RPS6KL1: variants seen among roughly 807,000 people sequenced by gnomAD.
RPS6KL1 encodes ribosomal protein S6 kinase like 1.
RPS6KL1 carries 41 observed loss-of-function variants against 57.0 expected under a neutral mutation model. The observed-to-expected ratio is 0.72, with a 90% confidence interval of 0.56 to 0.93. The LOEUF (loss-of-function observed/expected upper bound fraction) is 0.93, where lower values mean the gene tolerates loss of function less well. RPS6KL1 is among the 40% of genes least tolerant of loss of function. The pLI, the probability that RPS6KL1 is intolerant of heterozygous loss-of-function variation, is 0.00. For missense variants in RPS6KL1, 697 were observed against 727.7 expected (o/e 0.96, Z 0.49); for synonymous variants, 287 against 309.7 (o/e 0.93, Z 0.77).
chr14:74,909,601 G>A lies in RPS6KL1; in HGVS notation c.1212C>T (p.His404=), dbSNP rs138644443. The change falls in exon 8 of 12, where the codon CAC becomes CAT. Residue 404 remains histidine, a synonymous_variant. Coordinates refer to ENST00000557413, the MANE Select transcript of RPS6KL1 (RefSeq NM_031464.5). ...AEMLVALEAL[H]EQGVLCRDLH... ...GGTCCCGGCACAGCACCCCCTGCTC[G>A]TGCAGCGCCTCCAGCGCTACCAGCA... The A allele has an allele frequency of 1.6e-5, 26 of 1,612,362 alleles. No homozygotes were observed. Among genetic ancestry groups the A allele is most frequent in the Admixed American group, 6.7e-5 (4 of 59,990 alleles).
In RPS6KL1 at chr14:74,906,822, T is replaced by C; in HGVS notation, c.*192A>G. On this transcript the variant is annotated 3_prime_UTR_variant, in exon 12 of 12. Transcript: ENST00000557413. ...GCCTTGACTGCCCCCACCTCCAGCT[T>C]TTCCAGGAGCTGGCCCTTCCTGGGT... 1.4e-6 allele frequency: 1 copy of C among 726,120 alleles called. No individual in the cohort carries two copies. Among genetic ancestry groups the C allele is most frequent in the Non-Finnish European group, 2.5e-6 (1 of 395,134 alleles). The allele number at this position is 726,120 out of a possible 1,614,324, so 45.0% of individuals were successfully genotyped here. A position where few individuals can be genotyped will look rare whatever the true frequency, so the allele number is the denominator to read the frequency against.
intron 5 of RPS6KL1, among the ~76,000 whole-genome samples, chr14:74,917,174 G>C (rs1886993850): frequency 6.6e-6 from 1 of 152,244 alleles, no homozygotes; most frequent in Non-Finnish European, 1.5e-5. Context: ...CCTGTCACTT[G>C]TATTTAGAGC....
intron 11 of RPS6KL1, 78 bp from the exon 12 acceptor site, chr14:74,907,202 T>C: frequency 7.2e-7 from 1 of 1,388,768 alleles, no homozygotes; most frequent in Non-Finnish European, 9.9e-7. Context: ...CCAACCACTA[T>C]GGCCTCTAGG....
chr14:74,922,260 G>C lies in RPS6KL1; in HGVS notation c.-303C>G. 2 of 985,944 alleles carry C rather than the reference G, an allele frequency of 2.0e-6. No homozygotes were observed. The highest frequency in any genetic ancestry group is 2.4e-6 in the Non-Finnish European group (2 of 830,292). The allele number at this position is 985,944 out of a possible 1,614,324, so 61.1% of individuals were successfully genotyped here. ...AGCACATGGAGGCCACACACGCTGG[G>C]CTCAAATGCTGTTCCTCATGCTGTT... On this transcript the variant is annotated 5_prime_UTR_variant, in exon 2 of 12. Transcript: ENST00000557413.
At chr14:74,923,042 G>A (rs979864280) in intron 1 of RPS6KL1, 138 bp downstream of exon 1, 1 of 152,336 alleles carries the variant, frequency 6.6e-6, no homozygotes, top group African/African-American at 2.4e-5. Context: ...CAGAGCCGCC[G>A]GCCCCGCCTG....
chr14:74,906,947 G>A lies in RPS6KL1; in HGVS notation c.*67C>T. On this transcript the variant is annotated 3_prime_UTR_variant, in exon 12 of 12. Transcript: ENST00000557413. The stretch of plus-strand genomic sequence containing the variant: ...GCTGATAGAGGGCCAGCCCTGGGTT[G>A]GGTGTCAGGCAAGGAGGAGAGGCGA... The A allele has an allele frequency of 1.7e-6, 2 of 1,206,054 alleles. No homozygotes were observed. The highest frequency in any genetic ancestry group is 2.5e-6 in the Non-Finnish European group (2 of 815,858). The allele number at this position is 1,206,054 out of a possible 1,614,324, so 74.7% of individuals were successfully genotyped here. A position where few individuals can be genotyped will look rare whatever the true frequency, so the allele number is the denominator to read the frequency against.
rs1171068864 is a variant in RPS6KL1, at chr14:74,907,245, C to T, written c.1540-121G>A. ...CTCCCTGGCAGCCTGGCCCACAGAA[C>T]CCCCATTTTACCCTGGGAACATTGG... On this transcript the variant is annotated intron_variant, in intron 11 of 11. Transcript: ENST00000557413. 12 of 1,372,610 alleles carry T rather than the reference C, an allele frequency of 8.7e-6. No individual in the cohort carries two copies. The East Asian group carries it at 2.8e-4, about 32-fold the overall frequency. 85.0% of individuals were successfully genotyped at this position (1,372,610 alleles called of 1,614,324 possible). A position where few individuals can be genotyped will look rare whatever the true frequency, so the allele number is the denominator to read the frequency against.
intron 3 of RPS6KL1, 90 bp from the exon 4 acceptor site, chr14:74,920,059 G>A (rs530181031): frequency 2.6e-6 from 4 of 1,514,458 alleles, no homozygotes; most frequent in African/African-American, 2.7e-5. Flanking sequence ...ACCCTCCCAA[G>A]GAGTGAGCTC....
Position 74,904,780 on chromosome 14 carries a change from C to G in RPS6KL1, c.*2234G>C, listed in dbSNP as rs913130522. 6.6e-6 allele frequency: 1 copy of G among 152,182 alleles called. No homozygotes were observed. The highest frequency in any genetic ancestry group is 2.1e-4 in the South Asian group (1 of 4,834). The allele number at this position is 152,182 out of a possible 1,614,324, so 9.4% of individuals were successfully genotyped here. A position where few individuals can be genotyped will look rare whatever the true frequency, so the allele number is the denominator to read the frequency against. ...GATGCTCAAGGTCAATACACATGAA[C>G]AGGTGAGGGTTGATGACCTAGGAGC... On this transcript the variant is annotated 3_prime_UTR_variant, in exon 12 of 12. Coordinates refer to ENST00000557413, the MANE Select transcript of RPS6KL1 (RefSeq NM_031464.5).
intron 5 of RPS6KL1, among the ~76,000 whole-genome samples, chr14:74,913,620 G>A (rs1886380199): frequency 1.3e-5 from 2 of 152,182 alleles, no homozygotes; most frequent in South Asian, 2.1e-4. Flanking sequence ...GAAAGGCTGT[G>A]AGAATGTCAG....
chr14:74,910,358 GCCC>G, intron 7 of RPS6KL1: 4 of 445,632 alleles, frequency 9.0e-6, no homozygotes, highest in Admixed American at 4.0e-5. Context: ...ACTAAAGTGG[GCCC>G]AGCCTTACAA....
intron 2 of RPS6KL1, 39 bp downstream of exon 2, chr14:74,921,939 T>C (rs955119527): frequency 2.9e-5 from 8 of 274,830 alleles, no homozygotes; most frequent in Admixed American, 1.0e-4. Flanking sequence ...CTACCACACC[T>C]GGCTATGTTT....
In RPS6KL1 at chr14:74,908,868, A is replaced by T. The variant is rs1219965230; in HGVS notation, c.1425T>A (p.Tyr475Ter). Residue 475 changes from tyrosine to a stop codon, truncating the protein, a stop_gained, in exon 10 of 12, where the codon TAT becomes TAA. Transcript: ENST00000557413. LOFTEE classifies it high-confidence loss of function. ...CACTCACCATTCCCGTCAGCAGTTC[A>T]TACAGTAGAGACCCAAAGCTCCACC... ...CDWWSFGSLL[Y>*]ELLTGMALSQ... The T allele has an allele frequency of 1.9e-6, 3 of 1,614,166 alleles. No individual in the cohort carries two copies. The East Asian group carries it at 6.7e-5, about 36-fold the overall frequency.
Position 74,906,403 on chromosome 14 carries a change from C to CGG in RPS6KL1, c.*609_*610dup, listed in dbSNP as rs1172835077. On this transcript the variant is annotated 3_prime_UTR_variant, in exon 12 of 12. Transcript: ENST00000557413. ...CAAGATAGGGGGCATGGTCAGGAAT[C>CGG]GGGGGTGGGGGGGTGGGGGTGGGGG... The CGG allele has an allele frequency of 4.1e-4, 87 of 210,436 alleles. No individual in the cohort carries two copies. Among genetic ancestry groups the CGG allele is most frequent in the African/African-American group, 3.7e-3 (38 of 10,258 alleles). 13.0% of individuals were successfully genotyped at this position (210,436 alleles called of 1,614,324 possible). A position where few individuals can be genotyped will look rare whatever the true frequency, so the allele number is the denominator to read the frequency against.
At position 74,911,821 on chromosome 14, in the gene RPS6KL1, C is replaced by T. The variant is rs751503776; in HGVS notation, c.504G>A (p.Pro168=). 39 of 1,553,442 alleles carry T rather than the reference C, an allele frequency of 2.5e-5. No individual in the cohort carries two copies. Among genetic ancestry groups the T allele is most frequent in the Middle Eastern group, 1.7e-4 (1 of 5,984 alleles). Residue 168 remains proline, a synonymous_variant, in exon 6 of 12, where the codon CCG becomes CCA. Coordinates refer to ENST00000557413, the MANE Select transcript of RPS6KL1 (RefSeq NM_031464.5). ...TCACCACAAAGGTCCCTCCGGTTGC[C>T]GGGTCCTGGACCAGCTGCACCTGCC... ...VIEKVQLVQD[P]ATGGTFVVKS...
Position 74,921,270 on chromosome 14 carries a change from T to G in RPS6KL1, c.265+7A>C. The G allele has an allele frequency of 8.3e-6, 8 of 962,000 alleles. No homozygotes were observed. Among genetic ancestry groups the G allele is most frequent in the African/African-American group, 1.7e-5 (1 of 57,762 alleles). 59.6% of individuals were successfully genotyped at this position (962,000 alleles called of 1,614,324 possible). A position where few individuals can be genotyped will look rare whatever the true frequency, so the allele number is the denominator to read the frequency against. On this transcript the variant is annotated splice_region_variant and intron_variant, in intron 3 of 11. Transcript: ENST00000557413. ...CCACCCCAGCCCTGCCCAGCCCCGG[T>G]CCTCACCGTGTATGCCACGGAGCAG... is the stretch of plus-strand genomic sequence containing the variant.
chr14:74,918,443 T>C (rs1234588732), intron 5 of RPS6KL1, 70 bp downstream of exon 5: 24 of 1,141,364 alleles, frequency 2.1e-5, no homozygotes, highest in Non-Finnish European at 2.7e-5. Context: ...ATATCATGTC[T>C]CTCTCCCCAC....
intron 7 of RPS6KL1, 154 bp downstream of exon 7, chr14:74,911,094 A>C (rs1187711121): frequency 4.4e-6 from 3 of 678,616 alleles, no homozygotes; most frequent in Non-Finnish European, 7.8e-6. Context: ...CTGGTCTTGA[A>C]CTCCTGACCT....
intron 4 of RPS6KL1, among the ~76,000 whole-genome samples, chr14:74,919,359 A>C (rs555670487): frequency 2.6e-5 from 4 of 152,192 alleles, no homozygotes; most frequent in African/African-American, 9.6e-5. Flanking sequence ...TGCATTTTCC[A>C]CCCTCACTGA....
Sources: allele counts gnomAD v4.1 joint callset (sites outside exome capture counted in the v4.1 genomes callset), GRCh38; gene constraint gnomAD v4.1.1; transcripts MANE v1.5; gene names NCBI Gene and HGNC (gene_info 2026-07-23, HGNC 2026-07-21).